NEK5: variants seen among roughly 807,000 people sequenced by gnomAD.
NEK5 encodes NIMA related kinase 5.
A neutral mutation model predicts 109.2 loss-of-function variants in NEK5; 88 were observed. That is an observed-to-expected ratio of 0.81 (90% CI 0.68 to 0.96). The LOEUF is 0.96. Ranked by LOEUF, NEK5 falls within the 40% of genes least tolerant of loss-of-function variation. The pLI is 0.00. For missense variants in NEK5, 834 were observed against 920.7 expected (o/e 0.91, Z 1.22); for synonymous variants, 283 against 299.9 (o/e 0.94, Z 0.58).
intron 3 of NEK5, among the ~76,000 whole-genome samples, chr13:52,121,383 C>T (rs1044372922): frequency 1.3e-5 from 2 of 152,126 alleles, no homozygotes; most frequent in Middle Eastern, 3.2e-3. Context: ...TGCTCTCGAA[C>T]TCCTGGCCTC....
chr13:52,048,338 G>A (rs1223164691), intron 23 of NEK5, among the ~76,000 whole-genome samples: 3 of 152,064 alleles, frequency 2.0e-5, no homozygotes, highest in African/African-American at 7.2e-5. Flanking sequence ...CTGGGAGGCT[G>A]AGACGGGAGG....
At chr13:52,098,787 A>G (rs1262114907) in intron 12 of NEK5, among the ~76,000 whole-genome samples, 1 of 152,218 alleles carries the variant, frequency 6.6e-6, no homozygotes, top group Non-Finnish European at 1.5e-5. Context: ...ATAAGAGCAT[A>G]CAGCATTGTT....
rs923483398 is a variant in NEK5 at position 52,035,634 on chromosome 13, A to C, written c.*1314T>G. 2 of 152,244 alleles carry C rather than the reference A, an allele frequency of 1.3e-5. No homozygotes were observed. The highest frequency in any genetic ancestry group is 2.9e-5 in the Non-Finnish European group (2 of 68,032). The allele number at this position is 152,244 out of a possible 1,614,324, so 9.4% of individuals were successfully genotyped here. A position where few individuals can be genotyped will look rare whatever the true frequency, so the allele number is the denominator to read the frequency against. ...TTAATGAGGAAATGTTTTAGCATTT[A>C]TTAATTCAGGAAACATTTCTGGCAC... On this transcript the variant is annotated 3_prime_UTR_variant, in exon 24 of 24. Transcript: ENST00000684899.
intron 13 of NEK5, among the ~76,000 whole-genome samples, chr13:52,092,150 A>C (rs1955296638): frequency 6.6e-6 from 1 of 152,202 alleles, no homozygotes; most frequent in African/African-American, 2.4e-5. Context: ...GAGATGAAGA[A>C]GGGTTACAGG....
intron 14 of NEK5, 121 bp downstream of exon 14, chr13:52,089,126 C>CCAAAAAAATA (rs1955220825): frequency 2.0e-6 from 1 of 504,886 alleles, no homozygotes; most frequent in Non-Finnish European, 3.6e-6. Context: ...ACAAAAAAAA[C>CCAAAAAAATA]TGGGGACTAG....
intron 22 of NEK5, among the ~76,000 whole-genome samples, chr13:52,056,389 G>A (rs865840875): frequency 0.013 from 1,951 of 151,726 alleles, 49 homozygotes; most frequent in African/African-American, 0.045. Flanking sequence ...ACAGATCAAC[G>A]AGACAGAAAA....
Position 52,119,299 on chromosome 13 carries a change from C to G in NEK5, c.214+20G>C, listed in dbSNP as rs113574449. On this transcript the variant is annotated intron_variant, in intron 4 of 23. Coordinates refer to ENST00000684899, the MANE Select transcript of NEK5 (RefSeq NM_001365552.1). ...GCCTATACTTTATAAAAATACTTAACGAATATTAGAAAATCAAACCTTGAA... is the reference window on the plus strand; with the variant it reads ...GCCTATACTTTATAAAAATACTTAAGGAATATTAGAAAATCAAACCTTGAA... The G allele has an allele frequency of 5.8e-6, 8 of 1,382,270 alleles. No homozygotes were observed. The highest frequency in any genetic ancestry group is 1.4e-5 in the African/African-American group (1 of 70,006). 85.6% of individuals were successfully genotyped at this position (1,382,270 alleles called of 1,614,324 possible). A position where few individuals can be genotyped will look rare whatever the true frequency, so the allele number is the denominator to read the frequency against.
chr13:52,052,450 T>C (rs1472913830), intron 22 of NEK5, among the ~76,000 whole-genome samples: 2 of 152,172 alleles, frequency 1.3e-5, no homozygotes, highest in African/African-American at 4.8e-5. Flanking sequence ...CTATTGGGGA[T>C]GGGCTGCTCA....
In NEK5 at chr13:52,110,329, A is replaced by C. The variant is rs1202751922; in HGVS notation, c.467+11T>G. The C allele has an allele frequency of 1.3e-6, 2 of 1,574,154 alleles. No individual in the cohort carries two copies. Among genetic ancestry groups the C allele is most frequent in the Non-Finnish European group, 8.7e-7 (1 of 1,145,586 alleles). On this transcript the variant is annotated intron_variant, in intron 7 of 23. Transcript: ENST00000684899. Reference sequence around the variant, plus strand: ...TTGACTAGAAAGAAAAATTATTTTCAAAGTACTTACTTATTCAGGACTCTT... The same window carrying C: ...TTGACTAGAAAGAAAAATTATTTTCCAAGTACTTACTTATTCAGGACTCTT...
At position 52,120,471 on chromosome 13, in the gene NEK5, T is replaced by G. The variant is rs115404822; in HGVS notation, c.118-1056A>C. Among the ~76,000 whole-genome samples the G allele has an allele frequency of 5.8e-3, 872 of 151,600 alleles. 8 individuals are homozygous for G. Among genetic ancestry groups the G allele is most frequent in the African/African-American group, 0.02 (840 of 41,322 alleles). On this transcript the variant is annotated intron_variant, in intron 3 of 23. Coordinates refer to ENST00000684899, the MANE Select transcript of NEK5 (RefSeq NM_001365552.1). ...ACAAATATATTTATAATATAAAAAT[T>G]GATGGCAAATAATTTTTAAAAAGGC...
chr13:52,106,788 T>G (rs1955664978), intron 8 of NEK5, among the ~76,000 whole-genome samples: 2 of 151,724 alleles, frequency 1.3e-5, no homozygotes, highest in Non-Finnish European at 2.9e-5. Context: ...AAATTATTGC[T>G]GAGAACCAGA....
intron 21 of NEK5, among the ~76,000 whole-genome samples, chr13:52,062,635 G>T (rs543035490): frequency 8.0e-4 from 122 of 152,146 alleles, no homozygotes; most frequent in African/African-American, 2.9e-3. Context: ...TGGCCAGGCT[G>T]ATCTTGAACT....
intron 11 of NEK5, among the ~76,000 whole-genome samples, chr13:52,100,682 T>A (rs909988999): frequency 6.6e-6 from 1 of 152,112 alleles, no homozygotes; most frequent in Admixed American, 6.6e-5. Flanking sequence ...GAGACCAGCC[T>A]GGGCAACACA....
chr13:52,109,364 T>G (rs944106524), intron 7 of NEK5, among the ~76,000 whole-genome samples: 16 of 152,146 alleles, frequency 1.1e-4, no homozygotes, highest in Non-Finnish European at 1.9e-4. Flanking sequence ...GCAGACTCCT[T>G]GTAGCAATAA....
intron 14 of NEK5, 34 bp from the exon 15 acceptor site, chr13:52,087,488 C>G (rs756466169): frequency 9.3e-7 from 1 of 1,079,528 alleles, no homozygotes; most frequent in South Asian, 1.5e-5. Flanking sequence ...ATAATGCATA[C>G]TTTGATTTCG....
At position 52,080,005 on chromosome 13, in the gene NEK5, G is replaced by A. The variant is rs181129737; in HGVS notation, c.1572+3255C>T. Among the ~76,000 whole-genome samples, 489 of 151,878 alleles carry A rather than the reference G, an allele frequency of 3.2e-3. 2 individuals are homozygous for A. The highest frequency in any genetic ancestry group is 0.011 in the African/African-American group (439 of 41,436). On this transcript the variant is annotated intron_variant, in intron 17 of 23. Coordinates refer to ENST00000684899, the MANE Select transcript of NEK5 (RefSeq NM_001365552.1). ...TGCCCGGCCGCCCCATCTGAGAAGC[G>A]AGGAGACCCTCCGCCTGGCAACCGC...
chr13:52,093,904 T>G (rs571305079), intron 12 of NEK5, among the ~76,000 whole-genome samples: 2 of 152,340 alleles, frequency 1.3e-5, no homozygotes, highest in East Asian at 3.8e-4. Context: ...TACCATACTT[T>G]ACAGGGAAAT....
At position 52,127,347 on chromosome 13, in the gene NEK5, A is replaced by T. The variant is rs1158776449; in HGVS notation, c.117+19T>A. ...GAATATCCCACTGAAAATTAACAGA[A>T]ATTTGAACTTAACTTTACCTTTTCA... On this transcript the variant is annotated intron_variant, in intron 3 of 23. Coordinates refer to ENST00000684899, the MANE Select transcript of NEK5 (RefSeq NM_001365552.1). 8.4e-7 allele frequency: 1 copy of T among 1,190,476 alleles called. No individual in the cohort carries two copies. The highest frequency in any genetic ancestry group is 1.2e-6 in the Non-Finnish European group (1 of 827,100). The allele number at this position is 1,190,476 out of a possible 1,614,324, so 73.7% of individuals were successfully genotyped here. A position where few individuals can be genotyped will look rare whatever the true frequency, so the allele number is the denominator to read the frequency against.
chr13:52,039,225 G>A (rs1197525869), intron 23 of NEK5, among the ~76,000 whole-genome samples: 1 of 152,320 alleles, frequency 6.6e-6, no homozygotes, highest in East Asian at 1.9e-4. Flanking sequence ...TGAAGGAGGA[G>A]GCACAGTCAC....
Sources: allele counts gnomAD v4.1 joint callset (sites outside exome capture counted in the v4.1 genomes callset), GRCh38; gene constraint gnomAD v4.1.1; transcripts MANE v1.5; gene names NCBI Gene and HGNC (gene_info 2026-07-23, HGNC 2026-07-21).